RSU1: variants seen among roughly 807,000 people sequenced by gnomAD.
The protein encoded by RSU1 is rsu-1.
RSU1 carries 26 observed loss-of-function variants against 31.1 expected under a neutral mutation model. That is an observed-to-expected ratio of 0.84 (90% CI 0.61 to 1.16). RSU1 has a LOEUF of 1.16. Ranked by LOEUF, RSU1 falls within the 50% of genes most tolerant of loss-of-function variation. RSU1 has a pLI of 0.00. For missense variants in RSU1, 320 were observed against 339.1 expected, an observed-to-expected ratio of 0.94 and a Z score of 0.44; for synonymous variants, 164 against 136.3, an observed-to-expected ratio of 1.20 and a Z score of -1.41.
At chr10:16,730,567 T>TA (rs1359862692) in intron 7 of RSU1, among the ~76,000 whole-genome samples, 1 of 152,152 alleles carries the variant, frequency 6.6e-6, no homozygotes, top group African/African-American at 2.4e-5. Flanking sequence ...AATATCAGCT[T>TA]AGACAGTTCT....
chr10:16,611,184 G>A (rs1041797544), intron 8 of RSU1, among the ~76,000 whole-genome samples: 1 of 152,172 alleles, frequency 6.6e-6, no homozygotes, highest in Non-Finnish European at 1.5e-5. Context: ...CGTTTCCAGG[G>A]TGGACCAGAC....
At chr10:16,631,148 A>T (rs561100015) in intron 8 of RSU1, among the ~76,000 whole-genome samples, 2 of 152,276 alleles carry the variant, frequency 1.3e-5, no homozygotes, top group South Asian at 4.1e-4. Flanking sequence ...CTGCTAGCAA[A>T]CCATTTCTAA....
rs1423091565 is a variant in RSU1, at chr10:16,730,802, T to C, written c.598+21737A>G. 2.6e-5 allele frequency among the ~76,000 whole-genome samples: 4 copies of C among 152,184 alleles called. No individual in the cohort carries two copies. The East Asian group carries it at 5.8e-4, about 22-fold the overall frequency. ...CACCTATGTGAATATTCTCTGTAAC[T>C]GGAATCACACTGTAAAGCAATGTTG... On this transcript the variant is annotated intron_variant, in intron 7 of 8. Coordinates refer to ENST00000345264, the MANE Select transcript of RSU1 (RefSeq NM_012425.4).
chr10:16,718,798 T>C (rs1408008845), intron 7 of RSU1, among the ~76,000 whole-genome samples: 2 of 151,872 alleles, frequency 1.3e-5, no homozygotes, highest in Non-Finnish European at 2.9e-5. Flanking sequence ...GTGGCCAACA[T>C]GGTGAAACCC....
chr10:16,701,784 TTCTTGGCCATTTGA>T (rs142280526), intron 7 of RSU1, among the ~76,000 whole-genome samples: 2,357 of 152,280 alleles, frequency 0.015, 24 homozygotes, highest in East Asian at 0.062. Context: ...TCTGATGCTC[TTCTTGGCCATTTGA>T]TATCTGTGGT....
intron 2 of RSU1, among the ~76,000 whole-genome samples, chr10:16,789,955 T>C (rs543928765): frequency 3.9e-5 from 6 of 152,222 alleles, no homozygotes; most frequent in Non-Finnish European, 8.8e-5. Flanking sequence ...ATCATTCTAC[T>C]CTAGCCTCTT....
intron 8 of RSU1, among the ~76,000 whole-genome samples, chr10:16,660,646 T>C (rs1834870679): frequency 3.6e-5 from 1 of 27,708 alleles, no homozygotes; most frequent in Admixed American, 4.0e-4. Context: ...TTGAACTCTC[T>C]TTTTTTTTTT....
Position 16,593,322 on chromosome 10 carries a change from G to GAGAC in RSU1, c.*68_*71dup, listed in dbSNP as rs1267490679. The GAGAC allele has an allele frequency of 1.1e-5, 18 of 1,604,188 alleles. No homozygotes were observed. Among genetic ancestry groups the GAGAC allele is most frequent in the African/African-American group, 2.7e-5 (2 of 74,504 alleles). On this transcript the variant is annotated 3_prime_UTR_variant, in exon 9 of 9. Transcript: ENST00000345264. ...CACACGCAGCATTGGGTTTATTTGAGAGACAGGGCAAGAGAGAATGAAGTG... is the reference window on the plus strand; with the variant it reads ...CACACGCAGCATTGGGTTTATTTGAGAGACAGACAGGGCAAGAGAGAATGAAGTG...
intron 8 of RSU1, among the ~76,000 whole-genome samples, chr10:16,612,625 G>A (rs1024501060): frequency 1.3e-5 from 2 of 152,196 alleles, no homozygotes; most frequent in African/African-American, 2.4e-5. Context: ...CAGTGAAAAT[G>A]TCATTTGTTG....
At chr10:16,814,722 A>T (rs1317099992) in intron 2 of RSU1, among the ~76,000 whole-genome samples, 3 of 152,170 alleles carry the variant, frequency 2.0e-5, no homozygotes, top group Admixed American at 1.3e-4. Context: ...CTTCCACCCA[A>T]CTTCCCAAAA....
chr10:16,687,572 G>T lies in RSU1; in HGVS notation c.731+7451C>A, dbSNP rs75258159. Among the ~76,000 whole-genome samples the T allele has an allele frequency of 7.0e-3, 1,067 of 152,242 alleles. 33 individuals carry two copies. In the East Asian group the frequency reaches 0.099, roughly 14 times the overall value. ...ACTAAGCAATCTATCACAACATTTG[G>T]AAGAGAGTAAGAACTTACGTATTCT... is the stretch of plus-strand genomic sequence containing the variant. On this transcript the variant is annotated intron_variant, in intron 8 of 8. Transcript: ENST00000345264.
chr10:16,594,662 AT>A (rs1833578985), intron 8 of RSU1, among the ~76,000 whole-genome samples: 1 of 142,354 alleles, frequency 7.0e-6, no homozygotes, highest in South Asian at 2.1e-4. Flanking sequence ...TATATCATAT[AT>A]TATCTATATC....
At chr10:16,790,035 G>A (rs1837879616) in intron 2 of RSU1, among the ~76,000 whole-genome samples, 2 of 152,150 alleles carry the variant, frequency 1.3e-5, no homozygotes, top group African/African-American at 4.8e-5. Flanking sequence ...CAATGGGAGG[G>A]AAGCATTTGT....
chr10:16,696,388 T>A (rs1342760013), intron 7 of RSU1, among the ~76,000 whole-genome samples: 2 of 152,242 alleles, frequency 1.3e-5, no homozygotes, highest in Non-Finnish European at 1.5e-5. Flanking sequence ...TGAATTTTTT[T>A]ATGAGGAAGA....
chr10:16,687,675 T>G (rs1564317141), intron 8 of RSU1, among the ~76,000 whole-genome samples: 7 of 152,134 alleles, frequency 4.6e-5, no homozygotes, highest in Admixed American at 2.6e-4. Flanking sequence ...TACCTCATGA[T>G]CACATACAGG....
chr10:16,662,451 C>T (rs1211470237), intron 8 of RSU1, among the ~76,000 whole-genome samples: 1 of 152,176 alleles, frequency 6.6e-6, no homozygotes, highest in Non-Finnish European at 1.5e-5. Context: ...TCAGCTTGTT[C>T]CTGACTGCCC....
chr10:16,798,600 C>T (rs1838087707), intron 2 of RSU1, among the ~76,000 whole-genome samples: 1 of 152,186 alleles, frequency 6.6e-6, no homozygotes. Context: ...CTGAGGTCTC[C>T]CCAACTATGC....
intron 4 of RSU1, among the ~76,000 whole-genome samples, chr10:16,763,968 C>A (rs1271329334): frequency 6.6e-6 from 1 of 152,108 alleles, no homozygotes; most frequent in Admixed American, 6.5e-5. Flanking sequence ...AATGAAGCAT[C>A]ATTAGGGAAA....
At chr10:16,605,961 A>AT (rs937735486) in intron 8 of RSU1, among the ~76,000 whole-genome samples, 1 of 151,340 alleles carries the variant, frequency 6.6e-6, no homozygotes, top group Admixed American at 6.6e-5. Flanking sequence ...ACCATGCCTA[A>AT]TTTTTTTTCA....
Sources: gnomAD v4.1 joint callset for allele counts (sites outside exome capture counted in the v4.1 genomes callset) on GRCh38, gnomAD v4.1.1 for gene constraint, MANE v1.5 for transcripts, NCBI Gene and HGNC (gene_info 2026-07-23, HGNC 2026-07-21) for gene names.